Variants in TSHZ2 observed in about 807,000 individuals in gnomAD.
TSHZ2 encodes the protein teashirt homolog 2.
In TSHZ2, 21 loss-of-function variants were observed where a neutral mutation model predicts 74.4. The observed-to-expected ratio is 0.28, with a 90% CI of 0.20 to 0.41. TSHZ2 has a LOEUF of 0.41. Ranked by LOEUF, TSHZ2 falls within the 10% of genes least tolerant of loss-of-function variation. The pLI, the probability that TSHZ2 is intolerant of heterozygous loss-of-function variation, is 1.00. For missense variants in TSHZ2, 1,244 were observed against 1,293.5 expected, an observed-to-expected ratio of 0.96 and a Z score of 0.59; for synonymous variants, 540 against 515.3, an observed-to-expected ratio of 1.05 and a Z score of -0.65.
intron 1 of TSHZ2, among the ~76,000 whole-genome samples, chr20:53,223,137 A>AT (rs111689963): frequency 0.21 from 31,526 of 148,488 alleles, 3,436 homozygotes; most frequent in Middle Eastern, 0.29. Flanking sequence ...TGACCTAGAG[A>AT]TTTTTTTTTT....
At chr20:53,323,089 C>T (rs1600810081) in intron 2 of TSHZ2, among the ~76,000 whole-genome samples, 1 of 152,212 alleles carries the variant, frequency 6.6e-6, no homozygotes, top group Admixed American at 6.5e-5. Flanking sequence ...AAGTCGGTCA[C>T]CCTGCTCCAG....
intron 2 of TSHZ2, among the ~76,000 whole-genome samples, chr20:53,470,585 G>T (rs1985768736): frequency 6.6e-6 from 1 of 152,140 alleles, no homozygotes; most frequent in Non-Finnish European, 1.5e-5. Context: ...GGAGGCCGGG[G>T]TGGGCAGATC....
At chr20:53,484,404 A>G (rs74175979) in intron 2 of TSHZ2, among the ~76,000 whole-genome samples, 40,181 of 133,244 alleles carry the variant, frequency 0.3, 5,878 homozygotes, top group East Asian at 0.47. Context: ...TTTTTTTTTT[A>G]AGACAGAGTC....
chr20:53,163,279 A>G (rs1987984208), intron 1 of TSHZ2, among the ~76,000 whole-genome samples: 1 of 151,158 alleles, frequency 6.6e-6, no homozygotes, highest in Admixed American at 6.6e-5. Flanking sequence ...GAATATGGCA[A>G]ACATATTGGG....
chr20:53,435,555 C>T (rs1393480000), intron 2 of TSHZ2, among the ~76,000 whole-genome samples: 1 of 152,120 alleles, frequency 6.6e-6, no homozygotes, highest in Non-Finnish European at 1.5e-5. Context: ...GCTCTGTCGC[C>T]CAGGCTGGAG....
chr20:53,362,084 G>A lies in TSHZ2; in HGVS notation c.*8+105513G>A, dbSNP rs573728145. 4.6e-5 allele frequency among the ~76,000 whole-genome samples: 7 copies of A among 151,920 alleles called. No individual in the cohort carries two copies. The East Asian group carries it at 9.7e-4, about 21-fold the overall frequency. On this transcript the variant is annotated intron_variant, in intron 2 of 2. Coordinates refer to ENST00000371497, the MANE Select transcript of TSHZ2 (RefSeq NM_173485.6). ...TCACCATGTTTGCCAGGCTGGTCTCGAACTCCCAACCTCAGGTGATCCACC... is the reference window on the plus strand; with the variant it reads ...TCACCATGTTTGCCAGGCTGGTCTCAAACTCCCAACCTCAGGTGATCCACC...
At chr20:53,048,903 TAAAATA>T (rs1162573417) in intron 1 of TSHZ2, among the ~76,000 whole-genome samples, 3 of 152,174 alleles carry the variant, frequency 2.0e-5, no homozygotes, top group Non-Finnish European at 1.5e-5. Context: ...TGCACATTTT[TAAAATA>T]AAAATAAAAT....
At chr20:53,384,273 G>A (rs1408604043) in intron 2 of TSHZ2, among the ~76,000 whole-genome samples, 3 of 152,176 alleles carry the variant, frequency 2.0e-5, no homozygotes, top group East Asian at 3.9e-4. Flanking sequence ...GGGAAGAAAG[G>A]AAGACATTCA....
Position 53,256,477 on chromosome 20 carries a change from C to T in TSHZ2, c.3019C>T (p.His1007Tyr), listed in dbSNP as rs1990486411. The T allele has an allele frequency of 3.1e-6, 5 of 1,614,006 alleles. No homozygotes were observed. Among genetic ancestry groups the T allele is most frequent in the Admixed American group, 1.7e-5 (1 of 60,000 alleles). Residue 1007 changes from histidine (H) to tyrosine (Y), a missense_variant, in exon 2 of 3, where the codon CAT becomes TAT. By Grantham distance (83) the His-to-Tyr change is moderately conservative. Coordinates refer to ENST00000371497, the MANE Select transcript of TSHZ2 (RefSeq NM_173485.6). The surrounding 1 kb of genome is among the most constrained non-coding windows in gnomAD (Gnocchi z 4.3). ...GTGCTGTCGGACATTTGTGAGCAAA[C>T]ATGCGGTAAAACTCCACCTAAGCAA... is the stretch of plus-strand genomic sequence containing the variant. ...KLCCRTFVSK[H>Y]AVKLHLSKTH...
chr20:53,355,304 A>T (rs1489299605), intron 2 of TSHZ2, among the ~76,000 whole-genome samples: 1 of 152,236 alleles, frequency 6.6e-6, no homozygotes, highest in African/African-American at 2.4e-5. Flanking sequence ...TTCTACTTGC[A>T]TGAAATGTTC....
intron 1 of TSHZ2, among the ~76,000 whole-genome samples, chr20:53,219,681 C>A (rs1016915364): frequency 6.6e-6 from 1 of 152,050 alleles, no homozygotes; most frequent in Non-Finnish European, 1.5e-5. Context: ...AGAGCTCCAG[C>A]GATCAAAGAA....
At chr20:53,162,674 T>G (rs564343562) in intron 1 of TSHZ2, among the ~76,000 whole-genome samples, 1 of 152,116 alleles carries the variant, frequency 6.6e-6, no homozygotes, top group Non-Finnish European at 1.5e-5. Flanking sequence ...GGGAATTCAT[T>G]AGTGGGGGTG....
In TSHZ2 at chr20:53,054,605, C is replaced by T. The variant is rs1484363078; in HGVS notation, c.40+81272C>T. Among the ~76,000 whole-genome samples, 3 of 152,172 alleles carry T rather than the reference C, an allele frequency of 2.0e-5. No individual in the cohort carries two copies. The East Asian group carries it at 5.8e-4, about 29-fold the overall frequency. The stretch of plus-strand genomic sequence containing the variant: ...GTCCAGGCAAGTAGCAAGCCAACAG[C>T]AAGAGATGTAGATTGAGTCTTTGCC... On this transcript the variant is annotated intron_variant, in intron 1 of 2. Transcript: ENST00000371497.
intron 1 of TSHZ2, chr20:53,168,842 T>G (rs1425007162): frequency 1.3e-5 from 2 of 151,974 alleles, no homozygotes; most frequent in African/African-American, 4.8e-5. Flanking sequence ...CTGGGAAGAG[T>G]GGTCTTCCTG....
intron 2 of TSHZ2, among the ~76,000 whole-genome samples, chr20:53,468,150 G>C (rs752389137): frequency 7.2e-5 from 11 of 152,140 alleles, no homozygotes; most frequent in African/African-American, 9.7e-5. Flanking sequence ...CTAGTGGAGG[G>C]GGGTGGAGTA....
chr20:53,280,845 A>G (rs1335056348), intron 2 of TSHZ2, among the ~76,000 whole-genome samples: 1 of 152,078 alleles, frequency 6.6e-6, no homozygotes, highest in African/African-American at 2.4e-5. Context: ...GGTGCGTGCC[A>G]CGACACCCAG....
At chr20:53,096,845 G>C (rs971918684) in intron 1 of TSHZ2, among the ~76,000 whole-genome samples, 1 of 151,244 alleles carries the variant, frequency 6.6e-6, no homozygotes, top group African/African-American at 2.4e-5. Context: ...TCCTGCCACT[G>C]CACTCCAGCC....
chr20:53,181,713 C>T (rs1650955026), intron 1 of TSHZ2, among the ~76,000 whole-genome samples: 1 of 152,260 alleles, frequency 6.6e-6, no homozygotes, highest in South Asian at 2.1e-4. Flanking sequence ...ACAGTGAAAC[C>T]CTGTCTCTAC....
At chr20:53,017,862 T>C (rs973601053) in intron 1 of TSHZ2, among the ~76,000 whole-genome samples, 5 of 152,214 alleles carry the variant, frequency 3.3e-5, no homozygotes, top group African/African-American at 1.2e-4. Flanking sequence ...TTACCTAACA[T>C]GTCTCTCTTT....
Sources: gnomAD v4.1 joint callset for allele counts (sites outside exome capture counted in the v4.1 genomes callset) on GRCh38, gnomAD v4.1.1 for gene constraint, Gnocchi (gnomAD v3.1) non-coding constraint, MANE v1.5 for transcripts, NCBI Gene and HGNC (gene_info 2026-07-23, HGNC 2026-07-21) for gene names.